Variants in STIL observed in about 807,000 individuals in gnomAD.
STIL encodes SCL-interrupting locus protein.
Under a neutral mutation model 110.1 loss-of-function variants are expected in STIL, and 55 were observed. That is an observed-to-expected ratio of 0.50 (90% confidence interval 0.40 to 0.63). The LOEUF (loss-of-function observed/expected upper bound fraction) is 0.63, where lower values mean the gene tolerates loss of function less well. Among genes scored for constraint, STIL ranks in the 20% least tolerant of loss-of-function variants. The probability of loss-of-function intolerance (pLI) is 0.00; values close to 1 mark genes in which losing one functional copy is unlikely to be tolerated. For missense variants in STIL, 1,358 were observed against 1,530.0 expected (o/e 0.89, Z 1.87); for synonymous variants, 481 against 530.0 (o/e 0.91, Z 1.27).
At chr1:47,286,035 C>T (rs912652085) in intron 10 of STIL, among the ~76,000 whole-genome samples, 1 of 151,536 alleles carries the variant, frequency 6.6e-6, no homozygotes, top group Non-Finnish European at 1.5e-5. Context: ...CCAGTGCGTC[C>T]GGCTAATTTT....
At chr1:47,308,881 C>G (rs1646042545) in intron 2 of STIL, among the ~76,000 whole-genome samples, 1 of 151,980 alleles carries the variant, frequency 6.6e-6, no homozygotes, top group African/African-American at 2.4e-5. Flanking sequence ...TGGTGAAACC[C>G]CGTCTCTACT....
At chr1:47,296,064 C>G (rs961242961) in intron 6 of STIL, among the ~76,000 whole-genome samples, 19 of 152,170 alleles carry the variant, frequency 1.2e-4, no homozygotes, top group African/African-American at 4.6e-4. Flanking sequence ...AAACTTCCAT[C>G]TATCAATTAA....
intron 10 of STIL, among the ~76,000 whole-genome samples, chr1:47,286,566 C>G (rs1368081960): frequency 4.0e-5 from 6 of 151,158 alleles, no homozygotes; most frequent in Admixed American, 2.0e-4. Context: ...AAAAAATTAG[C>G]CTGGCGTAGT....
chr1:47,296,708 G>A (rs955285933), intron 6 of STIL, among the ~76,000 whole-genome samples: 2 of 152,156 alleles, frequency 1.3e-5, no homozygotes, highest in Non-Finnish European at 1.5e-5. Context: ...TACTCGGGAG[G>A]CTGAGGCAGG....
At chr1:47,310,146 A>G in intron 2 of STIL, 130 bp downstream of exon 2, 6 of 761,218 alleles carry the variant, frequency 7.9e-6, no homozygotes, top group African/African-American at 1.8e-5. Context: ...CCACCTAACA[A>G]GTGGTAGAGC....
At chr1:47,314,298 C>A (rs1055625229), upstream of STIL, among the ~76,000 whole-genome samples, 2 of 152,264 alleles carry the variant, frequency 1.3e-5, no homozygotes, top group Non-Finnish European at 2.9e-5. Context: ...GCGCCCCGCA[C>A]TGGTTCCGCG....
chr1:47,276,824 A>C (rs1259847266), intron 12 of STIL, among the ~76,000 whole-genome samples: 2 of 151,174 alleles, frequency 1.3e-5, no homozygotes, highest in Non-Finnish European at 3.0e-5. Flanking sequence ...AAAAAAAAAA[A>C]AAAAAAAAAA....
At chr1:47,302,655 G>A (rs763302873) in intron 3 of STIL, among the ~76,000 whole-genome samples, 1 of 152,126 alleles carries the variant, frequency 6.6e-6, no homozygotes, top group Non-Finnish European at 1.5e-5. Flanking sequence ...TTTACATACT[G>A]TGTATGGGCT....
chr1:47,277,718 A>G (rs922385180), intron 12 of STIL, among the ~76,000 whole-genome samples: 4 of 152,174 alleles, frequency 2.6e-5, no homozygotes, highest in South Asian at 2.1e-4. Context: ...TAATAGTGAA[A>G]TAATAGTAAT....
intron 14 of STIL, among the ~76,000 whole-genome samples, chr1:47,268,239 G>A (rs534011909): frequency 8.5e-5 from 13 of 152,138 alleles, no homozygotes; most frequent in Non-Finnish European, 1.8e-4. Context: ...CTCAGGTGAG[G>A]AGTTCCAGAT....
At position 47,283,919 on chromosome 1, in the gene STIL, G is replaced by A. The variant is rs565193306; in HGVS notation, c.1134-1460C>T. 759 of 151,866 alleles carry A rather than the reference G, an allele frequency of 5.0e-3. 3 individuals carry two copies. Among genetic ancestry groups the A allele is most frequent in the Non-Finnish European group, 8.3e-3 (565 of 68,122 alleles). The allele number at this position is 151,866 out of a possible 1,614,324, so 9.4% of individuals were successfully genotyped here. On this transcript the variant is annotated intron_variant, in intron 10 of 16. Transcript: ENST00000371877. ...TTTTTTTGCGGGGGGGTGGGGGGTG[G>A]ATAGAGTCTCCCTCTGTCGCCCAGG... is the stretch of plus-strand genomic sequence containing the variant.
chr1:47,251,125 G>T lies in STIL; in HGVS notation c.*11C>A. The T allele has an allele frequency of 6.2e-7, 1 of 1,612,676 alleles. No homozygotes were observed. Among genetic ancestry groups the T allele is most frequent in the South Asian group, 1.1e-5 (1 of 90,810 alleles). ...CCTGTCCCTGTATTAAAAGGGCAGG[G>T]AGTTAAAAGGTTAAAATAATTTTGG... On this transcript the variant is annotated 3_prime_UTR_variant, in exon 17 of 17. Transcript: ENST00000371877.
intron 6 of STIL, among the ~76,000 whole-genome samples, chr1:47,296,583 C>G (rs2149142117): frequency 6.6e-6 from 1 of 152,048 alleles, no homozygotes; most frequent in South Asian, 2.1e-4. Flanking sequence ...GTGGGCAAAT[C>G]ACTTGAGGTG....
chr1:47,313,001 T>A (rs1337389860), intron 1 of STIL: 2 of 152,154 alleles, frequency 1.3e-5, no homozygotes, highest in African/African-American at 4.8e-5. Flanking sequence ...TCCATATAAA[T>A]CTGATCAAAT....
chr1:47,311,714 C>T (rs947140946), intron 1 of STIL, among the ~76,000 whole-genome samples: 17 of 152,242 alleles, frequency 1.1e-4, no homozygotes, highest in Non-Finnish European at 2.5e-4. Context: ...CCTTAGAGTT[C>T]CTTAGGTCCT....
At chr1:47,289,233 TTTGG>T (rs1645405220) in intron 9 of STIL, among the ~76,000 whole-genome samples, 198 bp downstream of exon 9, 1 of 152,058 alleles carries the variant, frequency 6.6e-6, no homozygotes, top group Non-Finnish European at 1.5e-5. Flanking sequence ...TCTATTGTAA[TTTGG>T]TTGAAGATAT....
intron 1 of STIL, among the ~76,000 whole-genome samples, chr1:47,311,018 T>C (rs1384958928): frequency 2.0e-5 from 3 of 151,986 alleles, no homozygotes; most frequent in Non-Finnish European, 4.4e-5. Context: ...CAGCTAATTT[T>C]TGTATTTTTA....
Position 47,251,354 on chromosome 1 carries a change from C to A in STIL, c.3649G>T (p.Ala1217Ser). 2.5e-6 allele frequency: 4 copies of A among 1,614,208 alleles called. No individual in the cohort carries two copies. The highest frequency in any genetic ancestry group is 3.4e-6 in the Non-Finnish European group (4 of 1,180,036). Reference protein sequence around the residue: ...KAKQQLTEKPAFLVKNLKPSP... With the variant: ...KAKQQLTEKPSFLVKNLKPSP... The stretch of plus-strand genomic sequence containing the variant: ...GGTTTAAGGTTCTTTACTAAGAAAG[C>A]TGGCTTTTCAGTCAACTGCTGTTTT... The change falls in exon 17 of 17, where the codon GCT becomes TCT. Residue 1217 changes from alanine (A) to serine (S), a missense_variant. Transcript: ENST00000371877.
chr1:47,302,522 T>C (rs1645835614), intron 3 of STIL, among the ~76,000 whole-genome samples, 176 bp from the exon 4 acceptor site: 1 of 152,176 alleles, frequency 6.6e-6, no homozygotes, highest in African/African-American at 2.4e-5. Flanking sequence ...GAAACTAGAA[T>C]GGCAATAAAC....
Sources: gnomAD v4.1 joint callset for allele counts (sites outside exome capture counted in the v4.1 genomes callset) on GRCh38, gnomAD v4.1.1 for gene constraint, MANE v1.5 for transcripts, NCBI Gene and HGNC (gene_info 2026-07-23, HGNC 2026-07-21) for gene names.